Variants in STK32B observed in about 807,000 individuals in gnomAD.
The protein encoded by STK32B is serine/threonine kinase 32B.
In STK32B, 43 loss-of-function variants were observed where a neutral mutation model predicts 52.6. The ratio of observed to expected loss-of-function variants is 0.82; its 90% CI spans 0.64 to 1.05. The LOEUF (loss-of-function observed/expected upper bound fraction) is 1.05, where lower values mean the gene tolerates loss of function less well. STK32B is among the 50% of genes least tolerant of loss of function. The pLI, the probability that STK32B is intolerant of heterozygous loss-of-function variation, is 0.00. For missense variants in STK32B, 621 were observed against 534.6 expected, an observed-to-expected ratio of 1.16 and a Z score of -1.59; for synonymous variants, 238 against 204.3, an observed-to-expected ratio of 1.17 and a Z score of -1.41.
intron 11 of STK32B, among the ~76,000 whole-genome samples, chr4:5,477,265 G>A (rs1718308985): frequency 6.6e-6 from 1 of 152,046 alleles, no homozygotes; most frequent in Non-Finnish European, 1.5e-5. Context: ...TCTCTTATGG[G>A]TCCTTAAAGT....
Position 5,460,322 on chromosome 4 carries a change from C to T in STK32B, c.909+94C>T. 6.6e-7 allele frequency: 1 copy of T among 1,508,008 alleles called. No individual in the cohort carries two copies. Among genetic ancestry groups the T allele is most frequent in the Middle Eastern group, 2.5e-4 (1 of 3,982 alleles). The allele number at this position is 1,508,008 out of a possible 1,614,324, so 93.4% of individuals were successfully genotyped here. ...CTTTGGCAGCTGGCTAGTGAGCCCT[C>T]TGCTGGCCACTTCCACCTGAGCACC... On this transcript the variant is annotated intron_variant, in intron 9 of 11. Transcript: ENST00000282908. This position sits in a 1 kb window ranked among gnomAD's most constrained non-coding sequence, Gnocchi z 4.8.
intron 3 of STK32B, among the ~76,000 whole-genome samples, chr4:5,190,043 C>T (rs181407709): frequency 1.3e-5 from 2 of 152,144 alleles, no homozygotes; most frequent in African/African-American, 4.8e-5. Context: ...CGTACATGAT[C>T]AGCTCACTTG....
intron 4 of STK32B, among the ~76,000 whole-genome samples, chr4:5,384,471 A>G (rs974250749): frequency 5.3e-5 from 8 of 152,058 alleles, no homozygotes; most frequent in Non-Finnish European, 1.0e-4. Flanking sequence ...AACAAGGAGG[A>G]TATCCCAGGG....
chr4:5,348,947 G>T (rs1055208423), intron 4 of STK32B, among the ~76,000 whole-genome samples: 20 of 152,090 alleles, frequency 1.3e-4, no homozygotes, highest in Non-Finnish European at 2.8e-4. Context: ...ATCACAGCAG[G>T]TACCCACCCA....
rs143830404 is a variant in STK32B at position 5,246,409 on chromosome 4, G to T, written c.260+77959G>T. On this transcript the variant is annotated intron_variant, in intron 3 of 11. Transcript: ENST00000282908. ...ATTTGTCACGTAGTTCTTGTGCCTTGGTTTTCAGCTCCATCAGCTACTTTA... is the reference window on the plus strand; with the variant it reads ...ATTTGTCACGTAGTTCTTGTGCCTTTGTTTTCAGCTCCATCAGCTACTTTA... 2.6e-5 allele frequency among the ~76,000 whole-genome samples: 4 copies of T among 152,138 alleles called. No individual in the cohort carries two copies. The East Asian group carries it at 7.7e-4, about 29-fold the overall frequency.
intron 2 of STK32B, among the ~76,000 whole-genome samples, chr4:5,161,604 TCTC>T (rs944768063): frequency 1.6e-4 from 25 of 152,278 alleles, no homozygotes; most frequent in Middle Eastern, 3.4e-3. Flanking sequence ...CAAACTAACA[TCTC>T]CTTGGCTAGA....
chr4:5,383,510 C>G (rs1475159811), intron 4 of STK32B, among the ~76,000 whole-genome samples: 1 of 152,210 alleles, frequency 6.6e-6, no homozygotes, highest in Admixed American at 6.5e-5. Flanking sequence ...CATTGTGAGC[C>G]AGCTCAGATG....
chr4:5,274,216 C>T (rs762342624), intron 3 of STK32B, among the ~76,000 whole-genome samples: 1 of 152,070 alleles, frequency 6.6e-6, no homozygotes, highest in Non-Finnish European at 1.5e-5. Context: ...CAAAATTAAC[C>T]ACTTAATTTC....
chr4:5,197,015 TTCCAA>T (rs1437435509), intron 3 of STK32B, among the ~76,000 whole-genome samples: 1 of 152,210 alleles, frequency 6.6e-6, no homozygotes, highest in Non-Finnish European at 1.5e-5. Context: ...AGTTGGTTTC[TTCCAA>T]GCAGGTGGGC....
the STK32B span, among the ~76,000 whole-genome samples, chr4:5,045,122 C>G: frequency 6.6e-6 from 1 of 152,236 alleles, no homozygotes; most frequent in Admixed American, 6.5e-5. Context: ...TGTCATACTT[C>G]CCTGTTCAGA....
At chr4:5,317,494 T>C (rs1429521534) in intron 3 of STK32B, among the ~76,000 whole-genome samples, 1 of 78,874 alleles carries the variant, frequency 1.3e-5, no homozygotes, top group Non-Finnish European at 2.2e-5. Context: ...ATATATATAA[T>C]ATATATTATA....
At position 5,097,594 on chromosome 4, in the gene STK32B, G is replaced by A. The variant is rs74958327; in HGVS notation, c.53-42311G>A. ...GATAGCCAAGAAGGGGAGCTCAGAA[G>A]CTTGGTTCTTTTCATGAAGTGACAT... On this transcript the variant is annotated intron_variant, in intron 1 of 11. Coordinates refer to ENST00000282908, the MANE Select transcript of STK32B (RefSeq NM_018401.3). Among the ~76,000 whole-genome samples the A allele has an allele frequency of 7.3e-3, 1,118 of 152,318 alleles. 8 individuals carry two copies. Among genetic ancestry groups the A allele is most frequent in the Middle Eastern group, 0.048 (14 of 294 alleles).
chr4:5,232,547 A>G (rs1442393998), intron 3 of STK32B, among the ~76,000 whole-genome samples: 1 of 152,210 alleles, frequency 6.6e-6, no homozygotes, highest in Non-Finnish European at 1.5e-5. Context: ...TAGATACCTA[A>G]GGAGTCCAGG....
chr4:5,493,556 GT>G (rs911027801), intron 11 of STK32B, among the ~76,000 whole-genome samples: 5 of 151,980 alleles, frequency 3.3e-5, no homozygotes, highest in East Asian at 1.9e-4. Flanking sequence ...TTTTTGAAGG[GT>G]TTTTTTGTGT....
In STK32B at chr4:5,316,930, A is replaced by T. The variant is rs866610985; in HGVS notation, c.261-14290A>T. 3.1e-3 allele frequency among the ~76,000 whole-genome samples: 33 copies of T among 10,526 alleles called. 3 individuals carry two copies. Among genetic ancestry groups the T allele is most frequent in the African/African-American group, 0.02 (16 of 814 alleles). The allele number at this position is 10,526 out of a possible 152,430, so 6.9% of individuals were successfully genotyped here. On this transcript the variant is annotated intron_variant, in intron 3 of 11. Coordinates refer to ENST00000282908, the MANE Select transcript of STK32B (RefSeq NM_018401.3). ...TAATATATATGATATAATATATATA[A>T]TATATATAATATATAATATGTATGA...
intron 4 of STK32B, among the ~76,000 whole-genome samples, chr4:5,334,006 C>A (rs1327437129): frequency 6.6e-6 from 1 of 152,092 alleles, no homozygotes; most frequent in Non-Finnish European, 1.5e-5. Flanking sequence ...TTTTCCAATT[C>A]TGTGAAGAAA....
At chr4:5,348,325 C>T (rs10023365) in intron 4 of STK32B, among the ~76,000 whole-genome samples, 5,011 of 152,234 alleles carry the variant, frequency 0.033, 140 homozygotes, top group African/African-American at 0.076. Context: ...ACACCTTCTT[C>T]CCAGTCCTAA....
the STK32B span, among the ~76,000 whole-genome samples, chr4:5,027,524 G>A: frequency 3.9e-5 from 6 of 152,180 alleles, no homozygotes; most frequent in Non-Finnish European, 2.9e-5. Context: ...TTACCATGCA[G>A]CTGTGCAAAT....
chr4:5,290,866 A>G (rs28800261), intron 3 of STK32B, among the ~76,000 whole-genome samples: 3,793 of 152,216 alleles, frequency 0.025, 83 homozygotes, highest in East Asian at 0.071. Flanking sequence ...AATTTCAGCT[A>G]TAATATTTGC....
Sources: allele counts gnomAD v4.1 joint callset (sites outside exome capture counted in the v4.1 genomes callset), GRCh38; gene constraint gnomAD v4.1.1; non-coding constraint Gnocchi (gnomAD v3.1); transcripts MANE v1.5; gene names NCBI Gene and HGNC (gene_info 2026-07-23, HGNC 2026-07-21).